The following SEMA3E variants were observed in gnomAD, a reference collection of about 807,000 sequenced individuals.
SEMA3E encodes semaphorin 3E, also known as semaphorin-3E.
SEMA3E carries 49 observed loss-of-function variants against 93.6 expected under a neutral mutation model. The observed-to-expected ratio is 0.52, with a 90% confidence interval of 0.42 to 0.66. SEMA3E has a LOEUF of 0.66. Ranked by LOEUF, SEMA3E falls within the 30% of genes least tolerant of loss-of-function variation. The pLI is 0.00. For missense variants in SEMA3E, 906 were observed against 964.8 expected (o/e 0.94, Z 0.81); for synonymous variants, 363 against 330.7 (o/e 1.10, Z -1.06).
rs535143722 is a variant in SEMA3E at position 83,408,493 on chromosome 7, C to T, written c.551-6G>A. The T allele has an allele frequency of 1.8e-4, 288 of 1,613,454 alleles. 1 individual carries two copies. In the South Asian group the frequency reaches 2.0e-3, roughly 11 times the overall value. Reference sequence around the variant, plus strand: ...TCCAGCAAACAATTCACTACCTACACGGGAGCATCAGTAAAAAAGAAGTCA... The same window carrying T: ...TCCAGCAAACAATTCACTACCTACATGGGAGCATCAGTAAAAAAGAAGTCA... On this transcript the variant is annotated splice_region_variant and splice_polypyrimidine_tract_variant and intron_variant, in intron 5 of 16. Transcript: ENST00000643230.
In SEMA3E at chr7:83,632,876, T is replaced by C. The variant is rs532977140; in HGVS notation, c.115+15552A>G. ...TGTCAGGCAGTAATCTCTCTCTCAA[T>C]GAAAATGCACAAATTCAAAATGATA... On this transcript the variant is annotated intron_variant, in intron 1 of 16. Coordinates refer to ENST00000643230, the MANE Select transcript of SEMA3E (RefSeq NM_012431.3). 2.0e-5 allele frequency among the ~76,000 whole-genome samples: 3 copies of C among 152,234 alleles called. No individual in the cohort carries two copies. In the South Asian group the frequency reaches 6.2e-4, roughly 32 times the overall value.
intron 1 of SEMA3E, among the ~76,000 whole-genome samples, chr7:83,490,608 A>T (rs979468803): frequency 5.9e-5 from 9 of 152,016 alleles, no homozygotes; most frequent in Non-Finnish European, 1.0e-4. Context: ...TCTACATTAA[A>T]CCCACCAGAG....
Position 83,648,836 on chromosome 7 carries a change from G to A in SEMA3E, c.-294C>T. 1 of 341,918 alleles carries A rather than the reference G, an allele frequency of 2.9e-6. No individual in the cohort carries two copies. Among genetic ancestry groups the A allele is most frequent in the Admixed American group, 4.2e-5 (1 of 23,626 alleles). The allele number at this position is 341,918 out of a possible 1,614,324, so 21.2% of individuals were successfully genotyped here. A position where few individuals can be genotyped will look rare whatever the true frequency, so the allele number is the denominator to read the frequency against. The stretch of plus-strand genomic sequence containing the variant: ...TTCAGCAACTACGCCGGTAGATTCA[G>A]GAAGAAGCTGTATTTTTCAGTCACT... On this transcript the variant is annotated 5_prime_UTR_variant, in exon 1 of 17. Coordinates refer to ENST00000643230, the MANE Select transcript of SEMA3E (RefSeq NM_012431.3).
In SEMA3E at chr7:83,556,059, A is replaced by G. The variant is rs1791880619; in HGVS notation, c.116-65785T>C. Among the ~76,000 whole-genome samples the G allele has an allele frequency of 1.3e-5, 2 of 152,170 alleles. 1 individual carries two copies. Among genetic ancestry groups the G allele is most frequent in the South Asian group, 4.1e-4 (2 of 4,832 alleles). On this transcript the variant is annotated intron_variant, in intron 1 of 16. Transcript: ENST00000643230. The stretch of plus-strand genomic sequence containing the variant: ...GCATTTTCTCTGTTCTCTTTCCAGT[A>G]TAACAGGAAATGTTCATAAACATTT...
At chr7:83,531,082 G>C (rs1791284960) in intron 1 of SEMA3E, among the ~76,000 whole-genome samples, 1 of 151,888 alleles carries the variant, frequency 6.6e-6, no homozygotes, top group Non-Finnish European at 1.5e-5. Flanking sequence ...ATTTGCAATA[G>C]CATGAAAAGT....
intron 4 of SEMA3E, among the ~76,000 whole-genome samples, chr7:83,434,139 A>G (rs1358765735): frequency 1.3e-5 from 2 of 152,122 alleles, no homozygotes; most frequent in East Asian, 3.9e-4. Flanking sequence ...TAAATTTTAA[A>G]TTCTAACAAC....
At chr7:83,606,777 T>A (rs12670763) in intron 1 of SEMA3E, among the ~76,000 whole-genome samples, 7,357 of 146,760 alleles carry the variant, frequency 0.05, 536 homozygotes, top group African/African-American at 0.16. Flanking sequence ...AAAAAAAAAT[T>A]AAAAAAAAAA....
At chr7:83,470,957 G>C (rs1267978332) in intron 2 of SEMA3E, among the ~76,000 whole-genome samples, 1 of 144,344 alleles carries the variant, frequency 6.9e-6, no homozygotes, top group Non-Finnish European at 1.5e-5. Context: ...TTAGCATTTT[G>C]ATTATACATT....
intron 2 of SEMA3E, among the ~76,000 whole-genome samples, chr7:83,471,700 T>C (rs2722988): frequency 0.97 from 146,994 of 152,248 alleles, 71,202 homozygotes; most frequent in East Asian, 1. Context: ...TGAATTGATG[T>C]TTGAGTTACA....
chr7:83,416,652 C>T (rs759349043), intron 5 of SEMA3E, among the ~76,000 whole-genome samples: 1 of 151,642 alleles, frequency 6.6e-6, no homozygotes, highest in South Asian at 2.1e-4. Flanking sequence ...GTTTAGGAAC[C>T]TCAGTAAGAA....
intron 4 of SEMA3E, among the ~76,000 whole-genome samples, chr7:83,422,486 A>T (rs1788685951): frequency 6.6e-6 from 1 of 152,198 alleles, no homozygotes; most frequent in African/African-American, 2.4e-5. Flanking sequence ...ACATCATTTC[A>T]TGGAGGAGGA....
At chr7:83,523,285 CG>C (rs1562818177) in intron 1 of SEMA3E, among the ~76,000 whole-genome samples, 1 of 151,972 alleles carries the variant, frequency 6.6e-6, no homozygotes, top group Non-Finnish European at 1.5e-5. Context: ...AGTTTTTACT[CG>C]TGTTTGTCCC....
chr7:83,488,955 G>A (rs10237978), intron 2 of SEMA3E, among the ~76,000 whole-genome samples: 96,708 of 151,852 alleles, frequency 0.64, 31,129 homozygotes, highest in East Asian at 0.84. Flanking sequence ...ATTTCAAGAG[G>A]AACAAGAAAA....
intron 1 of SEMA3E, among the ~76,000 whole-genome samples, chr7:83,549,163 T>C (rs1791710544): frequency 6.6e-6 from 1 of 152,206 alleles, no homozygotes; most frequent in African/African-American, 2.4e-5. Flanking sequence ...TTTTGAGTTA[T>C]ATGGAAACAT....
intron 1 of SEMA3E, among the ~76,000 whole-genome samples, chr7:83,515,214 G>T (rs746424164): frequency 1.7e-4 from 25 of 151,146 alleles, no homozygotes; most frequent in Non-Finnish European, 3.2e-4. Context: ...CACTGCAGAG[G>T]CCTCTCAGGG....
chr7:83,462,250 C>T (rs1255088108), intron 4 of SEMA3E: 1 of 152,206 alleles, frequency 6.6e-6, no homozygotes, highest in African/African-American at 2.4e-5. Context: ...AGGCTACCCA[C>T]TCCACATTAC....
chr7:83,395,709 C>T (rs73169978), intron 12 of SEMA3E, among the ~76,000 whole-genome samples: 18,366 of 152,066 alleles, frequency 0.12, 1,143 homozygotes, highest in East Asian at 0.15. Context: ...CCAAGCATAG[C>T]GCTGAAGTGC....
At chr7:83,580,760 A>G (rs868155327) in intron 1 of SEMA3E, among the ~76,000 whole-genome samples, 1 of 151,834 alleles carries the variant, frequency 6.6e-6, no homozygotes, top group African/African-American at 2.4e-5. Context: ...ACCCTCTCCT[A>G]TTTGCCTTGA....
At chr7:83,384,499 T>A (rs1248662071) in intron 16 of SEMA3E, among the ~76,000 whole-genome samples, 1 of 152,076 alleles carries the variant, frequency 6.6e-6, no homozygotes, top group East Asian at 1.9e-4. Context: ...ATATCCATTT[T>A]TTTTTCTACT....
Sources: gnomAD v4.1 joint callset for allele counts (sites outside exome capture counted in the v4.1 genomes callset) on GRCh38, gnomAD v4.1.1 for gene constraint, MANE v1.5 for transcripts, NCBI Gene and HGNC (gene_info 2026-07-23, HGNC 2026-07-21) for gene names.